The following MYH15 variants were observed in gnomAD, a reference collection of about 807,000 sequenced individuals.
The protein encoded by MYH15 is myosin heavy chain 15, also known as myosin-15.
Under a neutral mutation model 240.5 loss-of-function variants are expected in MYH15, and 227 were observed. The observed-to-expected ratio is 0.94, with a 90% confidence interval of 0.85 to 1.05. The LOEUF (loss-of-function observed/expected upper bound fraction) is 1.05, where lower values mean the gene tolerates loss of function less well. MYH15 is among the 50% of genes least tolerant of loss of function. The pLI is 0.00. For synonymous variants in MYH15, 785 were observed against 796.7 expected, an observed-to-expected ratio of 0.99 and a Z score of 0.25; for missense variants, 2,217 against 2,247.5, an observed-to-expected ratio of 0.99 and a Z score of 0.27.
At chr3:108,437,431 G>C (rs2082848480) in intron 25 of MYH15, 123 bp downstream of exon 25, 1 of 1,278,816 alleles carries the variant, frequency 7.8e-7, no homozygotes, top group Non-Finnish European at 1.1e-6. Flanking sequence ...TCCTAGGCTT[G>C]TTATCCTTGC....
At chr3:108,529,818 G>C (rs2107279452), upstream of MYH15, among the ~76,000 whole-genome samples, 1 of 152,296 alleles carries the variant, frequency 6.6e-6, no homozygotes, top group South Asian at 2.1e-4. Flanking sequence ...GGAGTTTTCA[G>C]ACCATGACCA....
At chr3:108,411,411 C>T (rs1453867150) in intron 30 of MYH15, among the ~76,000 whole-genome samples, 1 of 152,148 alleles carries the variant, frequency 6.6e-6, no homozygotes, top group African/African-American at 2.4e-5. Context: ...CATCATGTGG[C>T]TCCTCAACAT....
At chr3:108,436,173 CAACTTTTTGA>C (rs2082833789) in intron 25 of MYH15, among the ~76,000 whole-genome samples, 1 of 151,640 alleles carries the variant, frequency 6.6e-6, no homozygotes, top group South Asian at 2.1e-4. Context: ...AATAAAGTTA[CAACTTTTTGA>C]AAATATGGAT....
At chr3:108,395,726 T>C (rs1323240939) in intron 35 of MYH15, among the ~76,000 whole-genome samples, 2 of 151,576 alleles carry the variant, frequency 1.3e-5, no homozygotes, top group Non-Finnish European at 2.9e-5. Flanking sequence ...AAAAGACACC[T>C]GTAATCAGTC....
chr3:108,389,983 A>T (rs2082412020), intron 37 of MYH15, among the ~76,000 whole-genome samples: 1 of 152,142 alleles, frequency 6.6e-6, no homozygotes, highest in Non-Finnish European at 1.5e-5. Context: ...CTCCTCAGAG[A>T]GGTGCAACGT....
At chr3:108,480,023 T>C (rs928894414) in intron 11 of MYH15, among the ~76,000 whole-genome samples, 5 of 152,022 alleles carry the variant, frequency 3.3e-5, no homozygotes, top group African/African-American at 1.2e-4. Flanking sequence ...AATAAGAAGA[T>C]AAATAAACAA....
intron 38 of MYH15, 107 bp downstream of exon 38, chr3:108,388,863 T>G: frequency 1.2e-6 from 1 of 863,860 alleles, no homozygotes; most frequent in Non-Finnish European, 1.8e-6. Flanking sequence ...AGAACAAAGA[T>G]GAAGAGAGAA....
intron 23 of MYH15, among the ~76,000 whole-genome samples, chr3:108,440,390 A>T (rs2082875516): frequency 6.6e-6 from 1 of 152,162 alleles, no homozygotes; most frequent in South Asian, 2.1e-4. Context: ...TATCAGGCCC[A>T]TGTGCTTTTT....
chr3:108,537,345 C>T, the MYH15 span, among the ~76,000 whole-genome samples: 2 of 152,248 alleles, frequency 1.3e-5, no homozygotes, highest in South Asian at 4.1e-4. Context: ...AATCATTCTA[C>T]CCCTCAGAAA....
upstream of MYH15, among the ~76,000 whole-genome samples, chr3:108,533,599 A>G (rs2083726588): frequency 6.6e-6 from 1 of 152,120 alleles, no homozygotes; most frequent in Non-Finnish European, 1.5e-5. Context: ...AAAGGTTTCA[A>G]AGTATAGGGT....
chr3:108,450,801 C>T (rs999776897), intron 21 of MYH15, among the ~76,000 whole-genome samples: 3 of 151,606 alleles, frequency 2.0e-5, no homozygotes, highest in Non-Finnish European at 2.9e-5. Context: ...TCAGATTATA[C>T]GCCATATATA....
intron 7 of MYH15, 49 bp downstream of exon 7, chr3:108,495,731 T>C: frequency 6.9e-7 from 1 of 1,456,966 alleles, no homozygotes; most frequent in South Asian, 1.2e-5. Context: ...AGTTTTACCA[T>C]TGCTTACAAA....
chr3:108,514,820 G>T (rs1443211808), upstream of MYH15, among the ~76,000 whole-genome samples: 1 of 152,050 alleles, frequency 6.6e-6, no homozygotes, highest in African/African-American at 2.4e-5. Context: ...TTGTTTCACA[G>T]GCTCTTTCAC....
At chr3:108,492,911 C>T (rs745856767) in intron 8 of MYH15, among the ~76,000 whole-genome samples, 3 of 151,304 alleles carry the variant, frequency 2.0e-5, no homozygotes, top group African/African-American at 2.4e-5. Context: ...GATCATGCCA[C>T]GGCACTCCAG....
Position 108,381,334 on chromosome 3 carries a change from A to C in MYH15, c.*211T>G. ...TCTGTCATGTGAAGCATTAGAAGGT[A>C]GTTTACTTGCATTTGAGGATCAAAA... On this transcript the variant is annotated 3_prime_UTR_variant, in exon 41 of 41. Coordinates refer to ENST00000693548, the MANE Select transcript of MYH15 (RefSeq NM_014981.3). 1.7e-6 allele frequency: 1 copy of C among 605,190 alleles called. No homozygotes were observed. The highest frequency in any genetic ancestry group is 3.0e-6 in the Non-Finnish European group (1 of 338,068). The allele number at this position is 605,190 out of a possible 1,614,324, so 37.5% of individuals were successfully genotyped here.
intron 28 of MYH15, among the ~76,000 whole-genome samples, 190 bp downstream of exon 28, chr3:108,420,898 A>G (rs577708742): frequency 1.3e-5 from 2 of 152,152 alleles, no homozygotes; most frequent in African/African-American, 4.8e-5. Flanking sequence ...GGGGTTCCCA[A>G]GTGGCACAGA....
intron 7 of MYH15, 134 bp from the exon 8 acceptor site, chr3:108,493,311 A>C: frequency 1.6e-6 from 1 of 642,350 alleles, no homozygotes; most frequent in East Asian, 2.8e-5. Context: ...AAACAAAAAA[A>C]AAAAAGAAAG....
At chr3:108,500,863 G>T (rs2107237338) in intron 3 of MYH15, among the ~76,000 whole-genome samples, 1 of 152,292 alleles carries the variant, frequency 6.6e-6, no homozygotes, top group Non-Finnish European at 1.5e-5. Context: ...GAGACACACA[G>T]AGGAGAAGGT....
the MYH15 span, among the ~76,000 whole-genome samples, chr3:108,541,665 G>A: frequency 6.6e-6 from 1 of 152,018 alleles, no homozygotes; most frequent in Non-Finnish European, 1.5e-5. Flanking sequence ...ATTTGTAAAT[G>A]TACATACACT....
Sources: gnomAD v4.1 joint callset for allele counts (sites outside exome capture counted in the v4.1 genomes callset) on GRCh38, gnomAD v4.1.1 for gene constraint, MANE v1.5 for transcripts, NCBI Gene and HGNC (gene_info 2026-07-23, HGNC 2026-07-21) for gene names.